CSMD1: variants seen among roughly 807,000 people sequenced by gnomAD.
CSMD1 encodes the protein CUB and Sushi multiple domains 1.
A neutral mutation model predicts 417.5 loss-of-function variants in CSMD1; 213 were observed. The ratio of observed to expected loss-of-function variants is 0.51; its 90% CI spans 0.46 to 0.57. The LOEUF (loss-of-function observed/expected upper bound fraction) is 0.57, where lower values mean the gene tolerates loss of function less well. CSMD1 is among the 20% of genes least tolerant of loss of function. The pLI is 0.00. For synonymous variants in CSMD1, 2,862 were observed against 1,736.8 expected (o/e 1.65, Z -16.11); for missense variants, 6,923 against 4,529.7 (o/e 1.53, Z -15.17).
rs111762983 is a variant in CSMD1, at chr8:4,438,674, C to A, written c.303-18609G>T. Reference sequence around the variant, plus strand: ...TTACTTGGAATTCCTGCAGGTAGAGCCACTTATGCAAACTCTTGCGGCCTT... The same window carrying A: ...TTACTTGGAATTCCTGCAGGTAGAGACACTTATGCAAACTCTTGCGGCCTT... On this transcript the variant is annotated intron_variant, in intron 2 of 69. Transcript: ENST00000635120. Among the ~76,000 whole-genome samples the A allele has an allele frequency of 7.1e-3, 1,074 of 152,296 alleles. 12 individuals carry two copies. Among genetic ancestry groups the A allele is most frequent in the African/African-American group, 0.024 (1,001 of 41,554 alleles).
chr8:4,642,241 GA>G (rs1803238581), intron 1 of CSMD1, among the ~76,000 whole-genome samples: 1 of 152,188 alleles, frequency 6.6e-6, no homozygotes, highest in Non-Finnish European at 1.5e-5. Context: ...TTGGAGGCCG[GA>G]AAACACATTC....
At chr8:3,290,826 G>C (rs201215232) in intron 25 of CSMD1, among the ~76,000 whole-genome samples, 25 of 147,050 alleles carry the variant, frequency 1.7e-4, no homozygotes, top group Middle Eastern at 6.8e-3. Flanking sequence ...TTTCTTTCTC[G>C]TGCCTAATTG....
intron 2 of CSMD1, among the ~76,000 whole-genome samples, chr8:4,432,525 A>C (rs551450002): frequency 6.6e-6 from 1 of 152,290 alleles, no homozygotes; most frequent in African/African-American, 2.4e-5. Flanking sequence ...CGGAGTGTGA[A>C]AACACTGTAT....
intron 3 of CSMD1, among the ~76,000 whole-genome samples, chr8:4,369,820 G>A (rs1229528060): frequency 6.6e-6 from 1 of 152,100 alleles, no homozygotes; most frequent in African/African-American, 2.4e-5. Flanking sequence ...TCGAGACTAT[G>A]GGTGTTGTTA....
intron 2 of CSMD1, among the ~76,000 whole-genome samples, chr8:4,573,616 G>A (rs553806801): frequency 6.6e-6 from 1 of 152,196 alleles, no homozygotes; most frequent in African/African-American, 2.4e-5. Context: ...CCCACTTGAG[G>A]GGGCGGTCTT....
At chr8:4,152,467 C>G (rs1386258503) in intron 3 of CSMD1, among the ~76,000 whole-genome samples, 1 of 150,476 alleles carries the variant, frequency 6.6e-6, no homozygotes, top group East Asian at 1.9e-4. Context: ...TTGAGCCCAG[C>G]AGTTTGGGCC....
At chr8:4,329,151 T>G (rs1799723535) in intron 3 of CSMD1, among the ~76,000 whole-genome samples, 1 of 152,210 alleles carries the variant, frequency 6.6e-6, no homozygotes, top group African/African-American at 2.4e-5. Flanking sequence ...CTGTCTTGAA[T>G]GCACGGTTCT....
At chr8:4,350,501 C>T (rs576042656) in intron 3 of CSMD1, among the ~76,000 whole-genome samples, 15 of 152,254 alleles carry the variant, frequency 9.9e-5, no homozygotes, top group African/African-American at 1.4e-4. Flanking sequence ...GTAAGATCAC[C>T]GCAGCAGTGA....
chr8:3,914,442 A>G (rs1415364687), intron 5 of CSMD1, among the ~76,000 whole-genome samples: 3 of 152,180 alleles, frequency 2.0e-5, no homozygotes, highest in Non-Finnish European at 4.4e-5. Context: ...TAAATCTTCT[A>G]TTTCTAACGC....
intron 3 of CSMD1, among the ~76,000 whole-genome samples, chr8:4,045,945 T>G (rs2130663266): frequency 6.6e-6 from 1 of 152,246 alleles, no homozygotes; most frequent in Admixed American, 6.5e-5. Flanking sequence ...TACATCTAAG[T>G]CATTCAAATC....
intron 3 of CSMD1, among the ~76,000 whole-genome samples, chr8:4,291,442 G>C (rs1301012182): frequency 6.6e-6 from 1 of 152,036 alleles, no homozygotes; most frequent in African/African-American, 2.4e-5. Context: ...GGTAGAATTT[G>C]AATTAACTAA....
chr8:3,306,965 C>T (rs1804907225), intron 25 of CSMD1, among the ~76,000 whole-genome samples: 1 of 152,078 alleles, frequency 6.6e-6, no homozygotes, highest in Admixed American at 6.5e-5. Flanking sequence ...CTGAAATTTG[C>T]AATGATTTTC....
chr8:4,348,336 G>A (rs1197494714), intron 3 of CSMD1, among the ~76,000 whole-genome samples: 1 of 152,022 alleles, frequency 6.6e-6, no homozygotes, highest in Non-Finnish European at 1.5e-5. Context: ...GGCCACAGCA[G>A]CGAAGTCATG....
intron 5 of CSMD1, among the ~76,000 whole-genome samples, chr8:3,922,348 A>T (rs1809336783): frequency 6.6e-6 from 1 of 151,222 alleles, no homozygotes; most frequent in African/African-American, 2.4e-5. Flanking sequence ...TCTTTGGATT[A>T]AAAAAAAATT....
chr8:4,594,195 C>T lies in CSMD1; in HGVS notation c.302+43147G>A, dbSNP rs369126875. On this transcript the variant is annotated intron_variant, in intron 2 of 69. Coordinates refer to ENST00000635120, the MANE Select transcript of CSMD1 (RefSeq NM_033225.6). ...TTAACTTGATTAATTCTAAAGTGAT[C>T]TTTTTTTTTTTTTTTTTTTTTTCTC... is the stretch of plus-strand genomic sequence containing the variant. Among the ~76,000 whole-genome samples, 176 of 92,334 alleles carry T rather than the reference C, an allele frequency of 1.9e-3. 1 individual carries two copies. The highest frequency in any genetic ancestry group is 3.4e-3 in the South Asian group (8 of 2,384). The allele number at this position is 92,334 out of a possible 152,430, so 60.6% of individuals were successfully genotyped here.
chr8:3,797,924 C>A (rs945307709), intron 5 of CSMD1, among the ~76,000 whole-genome samples: 2 of 151,936 alleles, frequency 1.3e-5, no homozygotes, highest in Non-Finnish European at 2.9e-5. Context: ...TTGATATTGT[C>A]AAGTTTTGTA....
intron 26 of CSMD1, among the ~76,000 whole-genome samples, chr8:3,254,416 T>C (rs1015603428): frequency 6.6e-6 from 1 of 152,220 alleles, no homozygotes; most frequent in South Asian, 2.1e-4. Flanking sequence ...ATGTGAATGT[T>C]GGCCTGCCTT....
At chr8:3,332,948 A>AG (rs1387191838) in intron 23 of CSMD1, among the ~76,000 whole-genome samples, 3 of 152,200 alleles carry the variant, frequency 2.0e-5, no homozygotes, top group Admixed American at 6.5e-5. Flanking sequence ...GAGTTTGTCA[A>AG]GATACGGAGC....
intron 3 of CSMD1, among the ~76,000 whole-genome samples, chr8:4,315,908 C>T (rs1303365216): frequency 2.0e-5 from 3 of 152,108 alleles, no homozygotes; most frequent in African/African-American, 4.8e-5. Context: ...GCTAAAGATG[C>T]ACTCAAATGT....
Sources: allele counts gnomAD v4.1 joint callset (sites outside exome capture counted in the v4.1 genomes callset), GRCh38; gene constraint gnomAD v4.1.1; transcripts MANE v1.5; gene names NCBI Gene and HGNC (gene_info 2026-07-23, HGNC 2026-07-21).